CFAP77: variants seen among roughly 807,000 people sequenced by gnomAD.
The protein encoded by CFAP77 is cilia- and flagella-associated protein 77.
In CFAP77, 25 loss-of-function variants were observed where a neutral mutation model predicts 31.1. That is an observed-to-expected ratio of 0.80 (90% CI 0.59 to 1.12). CFAP77 has a LOEUF of 1.12. Among genes scored for constraint, CFAP77 ranks in the 50% most tolerant of loss-of-function variants. The pLI, the probability that CFAP77 is intolerant of heterozygous loss-of-function variation, is 0.00. For missense variants in CFAP77, 377 were observed against 397.3 expected (o/e 0.95, Z 0.44); for synonymous variants, 151 against 159.9 (o/e 0.94, Z 0.42).
At chr9:132,513,541 T>C (rs1036990611) in intron 3 of CFAP77, 11 of 596,298 alleles carry the variant, frequency 1.8e-5, no homozygotes, top group South Asian at 9.4e-5. Context: ...CCATAAATCA[T>C]AGGGACTACT....
chr9:132,553,101 C>T (rs1564250570), intron 5 of CFAP77, among the ~76,000 whole-genome samples: 2 of 152,178 alleles, frequency 1.3e-5, no homozygotes, highest in African/African-American at 2.4e-5. Context: ...TGGTGAGGGT[C>T]CTCTTCCTGG....
intron 1 of CFAP77, among the ~76,000 whole-genome samples, chr9:132,458,554 G>A (rs1436364043): frequency 4.6e-5 from 7 of 152,212 alleles, no homozygotes; most frequent in African/African-American, 1.2e-4. Flanking sequence ...ACAGGACAGA[G>A]TGAAATGGAG....
rs760997701 is a variant in CFAP77 at position 132,542,934 on chromosome 9, C to T, written c.631-12C>T. The T allele has an allele frequency of 6.2e-7, 1 of 1,611,514 alleles. No individual in the cohort carries two copies. Among genetic ancestry groups the T allele is most frequent in the Admixed American group, 1.7e-5 (1 of 60,032 alleles). ...GGCAACCATCTCACCTTTGCCTTTCCCTGGCCTACAGGTGGTCCTTGGGAA... is the reference window on the plus strand; with the variant it reads ...GGCAACCATCTCACCTTTGCCTTTCTCTGGCCTACAGGTGGTCCTTGGGAA... On this transcript the variant is annotated splice_polypyrimidine_tract_variant and intron_variant, in intron 4 of 5. Transcript: ENST00000393216.
intron 1 of CFAP77, among the ~76,000 whole-genome samples, chr9:132,493,435 G>C (rs1229366000): frequency 6.6e-6 from 1 of 152,174 alleles, no homozygotes; most frequent in Non-Finnish European, 1.5e-5. Context: ...ATCTGGTGCC[G>C]GTGTTCATGC....
chr9:132,431,927 C>T (rs959658484), intron 1 of CFAP77, among the ~76,000 whole-genome samples: 44 of 152,138 alleles, frequency 2.9e-4, no homozygotes, highest in Admixed American at 1.6e-3. Context: ...CTTATCCTCC[C>T]GAGTAGCTGG....
intron 1 of CFAP77, among the ~76,000 whole-genome samples, chr9:132,430,143 T>A (rs901935423): frequency 6.6e-6 from 1 of 152,170 alleles, no homozygotes; most frequent in African/African-American, 2.4e-5. Flanking sequence ...CTTTTCTGTT[T>A]GTCTGCTTCT....
At chr9:132,550,992 A>G (rs1399097057) in intron 5 of CFAP77, among the ~76,000 whole-genome samples, 1 of 152,170 alleles carries the variant, frequency 6.6e-6, no homozygotes, top group Non-Finnish European at 1.5e-5. Flanking sequence ...GGGAAAGTGC[A>G]TGGCGTCAGT....
chr9:132,482,498 AC>A (rs1295219345), intron 1 of CFAP77: 2 of 1,056,904 alleles, frequency 1.9e-6, no homozygotes, highest in East Asian at 4.8e-5. Context: ...CCGCACACCT[AC>A]TGCGTGCTGG....
At position 132,490,016 on chromosome 9, in the gene CFAP77, C is replaced by A. The variant is rs554328407; in HGVS notation, c.196-8679C>A. Among the ~76,000 whole-genome samples, 1 of 152,148 alleles carries A rather than the reference C, an allele frequency of 6.6e-6. No homozygotes were observed. Among genetic ancestry groups the A allele is most frequent in the African/African-American group, 2.4e-5 (1 of 41,418 alleles). ...AGGGGCTGGGAGTTCCAGATCAATG[C>A]GCCGGTGGTTTCTGTGTCTGGTGAG... On this transcript the variant is annotated intron_variant, in intron 1 of 5. Coordinates refer to ENST00000393216, the MANE Select transcript of CFAP77 (RefSeq NM_001282957.2). This position sits in a 1 kb window ranked among gnomAD's most constrained non-coding sequence, Gnocchi z 4.6.
At chr9:132,479,892 G>T (rs759269640) in intron 1 of CFAP77, among the ~76,000 whole-genome samples, 13 of 152,164 alleles carry the variant, frequency 8.5e-5, no homozygotes, top group Non-Finnish European at 1.6e-4. Flanking sequence ...TGAGGTCCTT[G>T]GCCAAAGTGA....
chr9:132,533,063 G>A (rs765666846), intron 3 of CFAP77, among the ~76,000 whole-genome samples: 1 of 152,202 alleles, frequency 6.6e-6, no homozygotes, highest in Non-Finnish European at 1.5e-5. Context: ...CTCAGAGCCT[G>A]GGGTTAGATC....
At chr9:132,454,747 C>A (rs1457000636) in intron 1 of CFAP77, among the ~76,000 whole-genome samples, 2 of 152,192 alleles carry the variant, frequency 1.3e-5, no homozygotes, top group Non-Finnish European at 2.9e-5. Flanking sequence ...TATAACGTAG[C>A]CAGGGGCCAG....
chr9:132,434,276 T>C (rs1020303878), intron 1 of CFAP77, among the ~76,000 whole-genome samples: 2 of 152,214 alleles, frequency 1.3e-5, no homozygotes, highest in African/African-American at 2.4e-5. Flanking sequence ...CTTTGTATCC[T>C]GTGTGTATTT....
chr9:132,494,375 A>AATATG (rs1342349679), intron 1 of CFAP77, among the ~76,000 whole-genome samples: 1 of 152,180 alleles, frequency 6.6e-6, no homozygotes, highest in Admixed American at 6.5e-5. Flanking sequence ...GACGACCAAA[A>AATATG]ATATGTCCAG....
rs1851782811 is a variant in CFAP77 at position 132,498,555 on chromosome 9, AC to A, written c.196-137del. On this transcript the variant is annotated intron_variant, in intron 1 of 5. Coordinates refer to ENST00000393216, the MANE Select transcript of CFAP77 (RefSeq NM_001282957.2). The surrounding 1 kb of genome is among the most constrained non-coding windows in gnomAD (Gnocchi z 4.2). ...CGCTCCTCCCAGGGAGGGCTCTGCC[AC>A]CCACTCCTGTGCCACCCTGAAGGCC... 4 of 644,204 alleles carry A rather than the reference AC, an allele frequency of 6.2e-6. No individual in the cohort carries two copies. The highest frequency in any genetic ancestry group is 1.1e-5 in the Non-Finnish European group (4 of 361,638). The allele number at this position is 644,204 out of a possible 1,614,324, so 39.9% of individuals were successfully genotyped here.
At chr9:132,412,937 T>C (rs1335595405) in intron 1 of CFAP77, among the ~76,000 whole-genome samples, 1 of 152,134 alleles carries the variant, frequency 6.6e-6, no homozygotes, top group South Asian at 2.1e-4. Flanking sequence ...CCCGTAGTAG[T>C]GTGTGCCTTT....
chr9:132,438,804 GGGTTA>G (rs771892024), intron 1 of CFAP77, among the ~76,000 whole-genome samples: 1 of 151,512 alleles, frequency 6.6e-6, no homozygotes, highest in Admixed American at 6.6e-5. Flanking sequence ...CAAAGTGCTG[GGGTTA>G]CAGGTGTGAG....
intron 3 of CFAP77, among the ~76,000 whole-genome samples, chr9:132,522,840 C>T (rs775011488): frequency 4.6e-5 from 7 of 152,156 alleles, no homozygotes; most frequent in Non-Finnish European, 7.4e-5. Context: ...GCATGGTAGG[C>T]GGAGCTGGGA....
At chr9:132,532,634 G>A (rs1204734057) in intron 3 of CFAP77, among the ~76,000 whole-genome samples, 2 of 152,222 alleles carry the variant, frequency 1.3e-5, no homozygotes, top group Non-Finnish European at 2.9e-5. Flanking sequence ...GTCCTGAGCT[G>A]TGTGACCCTG....
Sources: gnomAD v4.1 joint callset for allele counts (sites outside exome capture counted in the v4.1 genomes callset) on GRCh38, gnomAD v4.1.1 for gene constraint, Gnocchi (gnomAD v3.1) non-coding constraint, MANE v1.5 for transcripts, NCBI Gene and HGNC (gene_info 2026-07-23, HGNC 2026-07-21) for gene names.